ALOX5AP: variants seen among roughly 807,000 people sequenced by gnomAD.
ALOX5AP encodes the protein arachidonate 5-lipoxygenase activating protein, also known as arachidonate 5-lipoxygenase-activating protein.
ALOX5AP carries 9 observed loss-of-function variants against 18.5 expected under a neutral mutation model. The observed-to-expected ratio is 0.49, with a 90% CI of 0.29 to 0.85. ALOX5AP has a LOEUF of 0.85. Ranked by LOEUF, ALOX5AP falls within the 40% of genes least tolerant of loss-of-function variation. The pLI is 0.08. For synonymous variants in ALOX5AP, 81 were observed against 78.6 expected, an observed-to-expected ratio of 1.03 and a Z score of -0.16; for missense variants, 172 against 202.5, an observed-to-expected ratio of 0.85 and a Z score of 0.91.
chr13:30,723,949 G>A (rs908122769), intron 1 of ALOX5AP, among the ~76,000 whole-genome samples: 1 of 152,038 alleles, frequency 6.6e-6, no homozygotes, highest in African/African-American at 2.4e-5. Context: ...TGAAGTATAA[G>A]TTACATACCA....
intron 1 of ALOX5AP, among the ~76,000 whole-genome samples, chr13:30,722,461 A>C (rs1951601694): frequency 6.6e-6 from 1 of 152,186 alleles, no homozygotes; most frequent in African/African-American, 2.4e-5. Flanking sequence ...CCTAACTGAT[A>C]TTAACACTAA....
At chr13:30,746,327 C>T (rs1053024842) in intron 2 of ALOX5AP, among the ~76,000 whole-genome samples, 4 of 152,180 alleles carry the variant, frequency 2.6e-5, no homozygotes, top group African/African-American at 9.7e-5. Context: ...GTACACTCAA[C>T]CTCCATGAGA....
At chr13:30,751,621 C>A (rs1951852261) in intron 2 of ALOX5AP, among the ~76,000 whole-genome samples, 1 of 152,234 alleles carries the variant, frequency 6.6e-6, no homozygotes, top group African/African-American at 2.4e-5. Flanking sequence ...GCCTGGCTTG[C>A]AGACCTGGGC....
intron 2 of ALOX5AP, chr13:30,744,479 T>TTTTTTAA: frequency 8.5e-6 from 2 of 234,028 alleles, no homozygotes; most frequent in African/African-American, 2.2e-5. Context: ...TAGACCAGGG[T>TTTTTTAA]TGCTACTGTG....
In ALOX5AP at chr13:30,735,545, G is replaced by A; in HGVS notation, c.-61G>A. 1 of 1,607,824 alleles carries A rather than the reference G, an allele frequency of 6.2e-7. No individual in the cohort carries two copies. Among genetic ancestry groups the A allele is most frequent in the African/African-American group, 1.3e-5 (1 of 74,904 alleles). ...GTGCAAGCTCTCACTTCCCCTTCCTGTACAGGGCAGGTTGTGCAGCTGGAG... is the reference window on the plus strand; with the variant it reads ...GTGCAAGCTCTCACTTCCCCTTCCTATACAGGGCAGGTTGTGCAGCTGGAG... On this transcript the variant is annotated 5_prime_UTR_variant, in exon 1 of 5. Coordinates refer to ENST00000380490, the MANE Select transcript of ALOX5AP (RefSeq NM_001629.4).
At chr13:30,740,499 T>C (rs2137807654) in intron 1 of ALOX5AP, among the ~76,000 whole-genome samples, 1 of 152,350 alleles carries the variant, frequency 6.6e-6, no homozygotes, top group Non-Finnish European at 1.5e-5. Context: ...TTTGGCTTAC[T>C]GTTAGCAGCT....
intron 1 of ALOX5AP, among the ~76,000 whole-genome samples, chr13:30,726,214 T>C (rs1308679267): frequency 6.6e-6 from 1 of 152,184 alleles, no homozygotes; most frequent in Non-Finnish European, 1.5e-5. Context: ...TGCCAGTGAA[T>C]ACACAAGCAA....
At chr13:30,746,551 GC>G (rs17238787) in intron 2 of ALOX5AP, among the ~76,000 whole-genome samples, 35,427 of 152,174 alleles carry the variant, frequency 0.23, 5,183 homozygotes, top group Non-Finnish European at 0.32. Flanking sequence ...CTACATGCTG[GC>G]AAAAGCCAGA....
At chr13:30,763,684 G>C (rs1355924930) in intron 4 of ALOX5AP, among the ~76,000 whole-genome samples, 2 of 152,188 alleles carry the variant, frequency 1.3e-5, no homozygotes, top group African/African-American at 4.8e-5. Context: ...AGAGCACAGA[G>C]GGGCGGGTAC....
At chr13:30,719,000 C>G (rs1426164744) in intron 1 of ALOX5AP, among the ~76,000 whole-genome samples, 1 of 152,208 alleles carries the variant, frequency 6.6e-6, no homozygotes, top group African/African-American at 2.4e-5. Context: ...CATCAAGTTG[C>G]TACTTCTGTT....
intron 1 of ALOX5AP, among the ~76,000 whole-genome samples, chr13:30,723,268 T>A (rs933675179): frequency 6.6e-6 from 1 of 152,252 alleles, no homozygotes; most frequent in Non-Finnish European, 1.5e-5. Flanking sequence ...AATGTGTTGA[T>A]GATTTTTGTG....
At chr13:30,726,129 T>C (rs189948281) in intron 1 of ALOX5AP, among the ~76,000 whole-genome samples, 132 of 152,278 alleles carry the variant, frequency 8.7e-4, no homozygotes, top group African/African-American at 3.1e-3. Flanking sequence ...TCTTAGCTCC[T>C]GTGGGGGGAA....
chr13:30,726,398 G>A (rs1427781150), intron 1 of ALOX5AP, among the ~76,000 whole-genome samples: 1 of 152,188 alleles, frequency 6.6e-6, no homozygotes, highest in African/African-American at 2.4e-5. Flanking sequence ...AGGCCCTTCA[G>A]GAATGAAGAT....
chr13:30,763,376 G>A lies in ALOX5AP; in HGVS notation c.324-568G>A, dbSNP rs1049327089. ...TCTCTCCCTCCACTCAAAAATGCAA[G>A]GGCCTGTCTCCCATTGCTGGGTGCC... is the stretch of plus-strand genomic sequence containing the variant. On this transcript the variant is annotated intron_variant, in intron 4 of 4. Coordinates refer to ENST00000380490, the MANE Select transcript of ALOX5AP (RefSeq NM_001629.4). Among the ~76,000 whole-genome samples the A allele has an allele frequency of 7.9e-5, 12 of 152,302 alleles. No homozygotes were observed. The East Asian group carries it at 2.1e-3, about 27-fold the overall frequency.
Sources: allele counts gnomAD v4.1 joint callset (sites outside exome capture counted in the v4.1 genomes callset), GRCh38; gene constraint gnomAD v4.1.1; transcripts MANE v1.5; gene names NCBI Gene and HGNC (gene_info 2026-07-23, HGNC 2026-07-21).